MBD5: variants seen among roughly 807,000 people sequenced by gnomAD.
MBD5 encodes methyl-CpG binding domain protein 5.
In MBD5, 13 loss-of-function variants were observed where a neutral mutation model predicts 117.3. That is an observed-to-expected ratio of 0.11 (90% CI 0.07 to 0.18). MBD5 has a LOEUF of 0.18. MBD5 is among the 10% of genes least tolerant of loss of function. The pLI is 1.00. For missense variants in MBD5, 1,879 were observed against 2,093.8 expected (o/e 0.90, Z 2.00); for synonymous variants, 727 against 766.4 (o/e 0.95, Z 0.85).
At position 148,512,941 on chromosome 2, in the gene MBD5, A is replaced by G; in HGVS notation, c.5184A>G (p.Ter1728=). ...CCAAGAGGAGGAAGATCTCCAGATAACAGAGACTACTCCACTAATGCGCAG... is the reference window on the plus strand; with the variant it reads ...CCAAGAGGAGGAAGATCTCCAGATAGCAGAGACTACTCCACTAATGCGCAG... ...PKPKRRKISR[*] is the part of the protein sequence containing the mutation. The change falls in exon 14 of 14, where the codon TAA becomes TAG. Residue 1728 remains the stop codon, a stop_retained_variant. Coordinates refer to ENST00000642680, the MANE Select transcript of MBD5 (RefSeq NM_001378120.1). 1 of 1,612,844 alleles carries G rather than the reference A, an allele frequency of 6.2e-7. No homozygotes were observed. Among genetic ancestry groups the G allele is most frequent in the Non-Finnish European group, 8.5e-7 (1 of 1,178,808 alleles).
At chr2:148,342,760 AT>A (rs1046107796) in intron 4 of MBD5, among the ~76,000 whole-genome samples, 44 of 151,990 alleles carry the variant, frequency 2.9e-4, no homozygotes, top group African/African-American at 1.0e-3. Context: ...TTTAAAAAAA[AT>A]TTATTTTTTT....
At chr2:148,456,226 G>A (rs1706877780) in intron 4 of MBD5, among the ~76,000 whole-genome samples, 1 of 152,146 alleles carries the variant, frequency 6.6e-6, no homozygotes, top group Admixed American at 6.6e-5. Context: ...TGGAGGCTGG[G>A]AGATCCAAGA....
intron 7 of MBD5, among the ~76,000 whole-genome samples, chr2:148,466,216 C>T (rs887430774): frequency 6.6e-6 from 1 of 152,076 alleles, no homozygotes; most frequent in African/African-American, 2.4e-5. Context: ...AATACATAAG[C>T]ATCTGTTTCT....
chr2:148,082,950 C>T (rs928988772), intron 1 of MBD5, among the ~76,000 whole-genome samples: 16 of 152,286 alleles, frequency 1.1e-4, no homozygotes, highest in African/African-American at 3.6e-4. Context: ...TAGGCATGAT[C>T]TCCTATAGTC....
rs73021569 is a variant in MBD5 at position 148,477,221 on chromosome 2, A to G, written c.2519-5889A>G. Reference sequence around the variant, plus strand: ...ATAGTCATAACTACACAGACATCATATTCCAAGATTCAAGCTGCATCCCTT... The same window carrying G: ...ATAGTCATAACTACACAGACATCATGTTCCAAGATTCAAGCTGCATCCCTT... On this transcript the variant is annotated intron_variant, in intron 8 of 13. Coordinates refer to ENST00000642680, the MANE Select transcript of MBD5 (RefSeq NM_001378120.1). 3.1e-3 allele frequency among the ~76,000 whole-genome samples: 470 copies of G among 152,184 alleles called. 2 individuals are homozygous for G. The highest frequency in any genetic ancestry group is 0.011 in the African/African-American group (443 of 41,516).
At chr2:148,022,170 CT>C (rs1195556300) in intron 1 of MBD5, among the ~76,000 whole-genome samples, 9 of 152,218 alleles carry the variant, frequency 5.9e-5, no homozygotes. Flanking sequence ...GTGTTTTCCC[CT>C]TTTTGGTCCT....
intron 3 of MBD5, among the ~76,000 whole-genome samples, chr2:148,279,168 C>T (rs1207674731): frequency 6.6e-6 from 1 of 152,270 alleles, no homozygotes; most frequent in South Asian, 2.1e-4. Flanking sequence ...TGTGGTAGCT[C>T]ACACCTGTAA....
At chr2:148,059,292 T>TA (rs560246110) in intron 1 of MBD5, among the ~76,000 whole-genome samples, 5 of 149,154 alleles carry the variant, frequency 3.4e-5, no homozygotes, top group Admixed American at 6.7e-5. Flanking sequence ...TTCTGACAAT[T>TA]AAAAAAAAAA....
chr2:148,361,832 T>C (rs1171606225), intron 4 of MBD5, among the ~76,000 whole-genome samples: 7 of 152,104 alleles, frequency 4.6e-5, no homozygotes, highest in Non-Finnish European at 8.8e-5. Context: ...GCTCATCTCA[T>C]TGGAACTAGT....
At chr2:148,091,467 C>T (rs1294911775) in intron 1 of MBD5, among the ~76,000 whole-genome samples, 1 of 152,024 alleles carries the variant, frequency 6.6e-6, no homozygotes, top group Non-Finnish European at 1.5e-5. Flanking sequence ...GGCACGTAGA[C>T]CAATAGAATA....
intron 2 of MBD5, among the ~76,000 whole-genome samples, chr2:148,221,597 T>A (rs184096357): frequency 6.6e-6 from 1 of 152,254 alleles, no homozygotes; most frequent in East Asian, 1.9e-4. Flanking sequence ...TTTTGCCCAT[T>A]TTTTAATCAG....
chr2:148,061,011 A>G (rs1695021378), intron 1 of MBD5, among the ~76,000 whole-genome samples: 1 of 152,102 alleles, frequency 6.6e-6, no homozygotes, highest in South Asian at 2.1e-4. Flanking sequence ...CTCCATTGTA[A>G]AAAGTTTTCC....
intron 1 of MBD5, among the ~76,000 whole-genome samples, chr2:148,042,096 C>T (rs1263172759): frequency 2.0e-5 from 3 of 152,176 alleles, no homozygotes; most frequent in Admixed American, 6.5e-5. Flanking sequence ...TGCAAAAGTA[C>T]TTATAACCTA....
chr2:148,328,007 A>C (rs1433991066), intron 3 of MBD5, among the ~76,000 whole-genome samples: 1 of 152,054 alleles, frequency 6.6e-6, no homozygotes, highest in Non-Finnish European at 1.5e-5. Flanking sequence ...GGTGATGTAC[A>C]GATGGGTTTT....
At chr2:148,407,124 C>T (rs1383554833) in intron 4 of MBD5, among the ~76,000 whole-genome samples, 1 of 152,144 alleles carries the variant, frequency 6.6e-6, no homozygotes, top group East Asian at 1.9e-4. Flanking sequence ...GTTGAAAATC[C>T]TCATCATCCA....
chr2:148,037,810 G>A (rs1004665262), intron 1 of MBD5, among the ~76,000 whole-genome samples: 2 of 151,860 alleles, frequency 1.3e-5, no homozygotes, highest in African/African-American at 4.8e-5. Flanking sequence ...CTTACTGTAT[G>A]CCAGTTATTC....
At chr2:148,217,900 C>T (rs1055688221) in intron 2 of MBD5, among the ~76,000 whole-genome samples, 1 of 152,120 alleles carries the variant, frequency 6.6e-6, no homozygotes, top group East Asian at 1.9e-4. Context: ...TCCCTTGCCT[C>T]CATAACTGTT....
intron 1 of MBD5, among the ~76,000 whole-genome samples, chr2:148,060,325 G>GAA (rs774262338): frequency 6.7e-6 from 1 of 149,354 alleles, no homozygotes; most frequent in Non-Finnish European, 1.5e-5. Context: ...AAAAGGAAAA[G>GAA]AAAAGTCTCA....
rs948833912 is a variant in MBD5 at position 148,226,653 on chromosome 2, G to A, written c.-830-6592G>A. On this transcript the variant is annotated intron_variant, in intron 2 of 13. Transcript: ENST00000642680. ...AGTAATGGGATGGCTGGGTCAAATGGTATTTCTAGTTCTAGATCCCTGAGG... is the reference window on the plus strand; with the variant it reads ...AGTAATGGGATGGCTGGGTCAAATGATATTTCTAGTTCTAGATCCCTGAGG... Among the ~76,000 whole-genome samples, 113 of 152,216 alleles carry A rather than the reference G, an allele frequency of 7.4e-4. No individual in the cohort carries two copies. The Middle Eastern group carries it at 0.014, about 18-fold the overall frequency.
Sources: gnomAD v4.1 joint callset for allele counts (sites outside exome capture counted in the v4.1 genomes callset) on GRCh38, gnomAD v4.1.1 for gene constraint, MANE v1.5 for transcripts, NCBI Gene and HGNC (gene_info 2026-07-23, HGNC 2026-07-21) for gene names.